The following COL19A1 variants were observed in gnomAD, a reference collection of about 807,000 sequenced individuals.
COL19A1 encodes the protein collagen type XIX alpha 1 chain.
A neutral mutation model predicts 190.2 loss-of-function variants in COL19A1; 159 were observed. That is an observed-to-expected ratio of 0.84 (90% confidence interval 0.73 to 0.95). The LOEUF (loss-of-function observed/expected upper bound fraction) is 0.95, where lower values mean the gene tolerates loss of function less well. Ranked by LOEUF, COL19A1 falls within the 40% of genes least tolerant of loss-of-function variation. The probability of loss-of-function intolerance (pLI) is 0.00; values close to 1 mark genes in which losing one functional copy is unlikely to be tolerated. For synonymous variants in COL19A1, 509 were observed against 458.9 expected, an observed-to-expected ratio of 1.11 and a Z score of -1.39; for missense variants, 1,418 against 1,431.9, an observed-to-expected ratio of 0.99 and a Z score of 0.16.
intron 17 of COL19A1, among the ~76,000 whole-genome samples, chr6:70,123,184 G>C (rs904949787): frequency 6.6e-6 from 1 of 152,144 alleles, no homozygotes; most frequent in African/African-American, 2.4e-5. Context: ...AGACATTTAT[G>C]CAGCCAAAAA....
At chr6:70,174,555 G>A (rs529762830) in intron 41 of COL19A1, among the ~76,000 whole-genome samples, 27 of 133,460 alleles carry the variant, frequency 2.0e-4, no homozygotes, top group South Asian at 4.9e-4. Flanking sequence ...GCCAGACTCC[G>A]TCTCAAAAAA....
chr6:69,907,292 G>A (rs969828215), intron 4 of COL19A1, among the ~76,000 whole-genome samples: 1 of 151,614 alleles, frequency 6.6e-6, no homozygotes, highest in African/African-American at 2.4e-5. Context: ...ACCACTCCTG[G>A]CTAATTTTTG....
At chr6:70,078,547 T>C (rs1782031770) in intron 15 of COL19A1, among the ~76,000 whole-genome samples, 1 of 152,002 alleles carries the variant, frequency 6.6e-6, no homozygotes, top group South Asian at 2.1e-4. Flanking sequence ...CTTCCCAGTA[T>C]CTCCAGGCCA....
chr6:70,184,702 G>T lies in COL19A1; in HGVS notation c.2776-1G>T, dbSNP rs922495703. Reference sequence around the variant, plus strand: ...AATATTAATCCTTTTTTTCTTTATAGGGAATAAATGGAAAAGATGGAATAC... The same window carrying T: ...AATATTAATCCTTTTTTTCTTTATATGGAATAAATGGAAAAGATGGAATAC... On this transcript the variant is annotated splice_acceptor_variant, in intron 44 of 50. Coordinates refer to ENST00000620364, the MANE Select transcript of COL19A1 (RefSeq NM_001858.6). LOFTEE classifies it high-confidence loss of function. The T allele has an allele frequency of 1.3e-6, 2 of 1,586,474 alleles. No homozygotes were observed. The highest frequency in any genetic ancestry group is 1.9e-4 in the Middle Eastern group (1 of 5,156).
chr6:69,948,795 A>C (rs1773965667), intron 9 of COL19A1, among the ~76,000 whole-genome samples: 1 of 151,798 alleles, frequency 6.6e-6, no homozygotes, highest in African/African-American at 2.4e-5. Flanking sequence ...GTGGTGATTC[A>C]TCCTATATTT....
intron 18 of COL19A1, among the ~76,000 whole-genome samples, chr6:70,134,570 C>T (rs895444254): frequency 2.8e-4 from 43 of 152,132 alleles, no homozygotes; most frequent in Admixed American, 6.6e-5. Flanking sequence ...AGTTGGGATG[C>T]GGATGACTGA....
At chr6:70,104,566 T>C (rs1421404136) in intron 16 of COL19A1, among the ~76,000 whole-genome samples, 3 of 152,116 alleles carry the variant, frequency 2.0e-5, no homozygotes, top group Non-Finnish European at 4.4e-5. Context: ...TGAGATTTGG[T>C]TGGGGACGCA....
At chr6:70,117,004 A>T (rs1487371570) in intron 16 of COL19A1, among the ~76,000 whole-genome samples, 1 of 152,180 alleles carries the variant, frequency 6.6e-6, no homozygotes, top group African/African-American at 2.4e-5. Flanking sequence ...GCTCAAGGAG[A>T]CTCAGTCAAC....
chr6:70,083,456 C>A (rs114892022), intron 15 of COL19A1, among the ~76,000 whole-genome samples: 112 of 152,092 alleles, frequency 7.4e-4, no homozygotes, highest in African/African-American at 2.6e-3. Flanking sequence ...TTTTTTCTAG[C>A]AATTCAGCTT....
intron 16 of COL19A1, among the ~76,000 whole-genome samples, chr6:70,106,066 T>A (rs1437457878): frequency 6.6e-6 from 1 of 152,130 alleles, no homozygotes; most frequent in Non-Finnish European, 1.5e-5. Context: ...TGTTCTTCCC[T>A]TTGGGGGTTT....
At chr6:70,105,400 C>T (rs1783889749) in intron 16 of COL19A1, among the ~76,000 whole-genome samples, 1 of 152,158 alleles carries the variant, frequency 6.6e-6, no homozygotes, top group South Asian at 2.1e-4. Flanking sequence ...TCGTGATCCA[C>T]TCGCCTCAGC....
intron 22 of COL19A1, among the ~76,000 whole-genome samples, 159 bp from the exon 23 acceptor site, chr6:70,142,608 A>C (rs1786332810): frequency 6.6e-6 from 1 of 152,186 alleles, no homozygotes; most frequent in South Asian, 2.1e-4. Flanking sequence ...ATCACAAAGC[A>C]CATTTCAGTA....
At chr6:69,932,722 T>C in intron 6 of COL19A1, 61 bp from the exon 7 acceptor site, 1 of 923,624 alleles carries the variant, frequency 1.1e-6, no homozygotes, top group Non-Finnish European at 1.7e-6. Context: ...CTGTAGTTCT[T>C]AACTGCCTGA....
chr6:69,996,991 A>ATG (rs1305236189), intron 11 of COL19A1, among the ~76,000 whole-genome samples: 2 of 143,234 alleles, frequency 1.4e-5, no homozygotes, highest in Non-Finnish European at 3.0e-5. Context: ...ATGTGTACGT[A>ATG]TGTGTGTGTG....
chr6:70,030,979 G>A (rs1369552046), intron 12 of COL19A1, among the ~76,000 whole-genome samples: 35 of 152,176 alleles, frequency 2.3e-4, no homozygotes, highest in Non-Finnish European at 1.2e-4. Context: ...TGCCAAAGTG[G>A]TTTGTGGGGA....
At chr6:70,098,692 G>A in intron 15 of COL19A1, 2 of 261,658 alleles carry the variant, frequency 7.6e-6, no homozygotes, top group South Asian at 4.4e-5. Context: ...TCTTGCTTCT[G>A]TGGCCAAGAC....
chr6:69,918,142 T>C (rs1771434458), intron 4 of COL19A1, among the ~76,000 whole-genome samples: 2 of 152,182 alleles, frequency 1.3e-5, no homozygotes, highest in South Asian at 4.1e-4. Flanking sequence ...TCATACCTTA[T>C]GAGTCATGGT....
chr6:69,897,314 ATATGTGTACCAAC>A (rs1401149753), intron 2 of COL19A1, among the ~76,000 whole-genome samples: 2 of 152,304 alleles, frequency 1.3e-5, no homozygotes, highest in Non-Finnish European at 2.9e-5. Context: ...GTGTTTTTCC[ATATGTGTACCAAC>A]CCCACAGTAT....
rs147288939 is a variant in COL19A1, at chr6:70,085,779, C to T, written c.1225-16390C>T. ...TTTCAAAGCTCTAAGAAACTGGTAC[C>T]TGGATCACTAGACCCAAATTTAACT... On this transcript the variant is annotated intron_variant, in intron 15 of 50. Coordinates refer to ENST00000620364, the MANE Select transcript of COL19A1 (RefSeq NM_001858.6). 2.6e-3 allele frequency among the ~76,000 whole-genome samples: 400 copies of T among 152,140 alleles called. 2 individuals are homozygous for T. Among genetic ancestry groups the T allele is most frequent in the African/African-American group, 7.5e-3 (311 of 41,534 alleles).
Sources: gnomAD v4.1 joint callset for allele counts (sites outside exome capture counted in the v4.1 genomes callset) on GRCh38, gnomAD v4.1.1 for gene constraint, MANE v1.5 for transcripts, NCBI Gene and HGNC (gene_info 2026-07-23, HGNC 2026-07-21) for gene names.